Variants in CMKLR2 observed in about 807,000 individuals in gnomAD.
CMKLR2 encodes chemerin-like receptor 2.
CMKLR2 carries 18 observed loss-of-function variants against 23.0 expected under a neutral mutation model. The ratio of observed to expected loss-of-function variants is 0.78; its 90% CI spans 0.54 to 1.16. The LOEUF is 1.16. CMKLR2 is among the 50% of genes most tolerant of loss of function. The pLI, the probability that CMKLR2 is intolerant of heterozygous loss-of-function variation, is 0.00. For synonymous variants in CMKLR2, 158 were observed against 158.9 expected, an observed-to-expected ratio of 0.99 and a Z score of 0.05; for missense variants, 401 against 412.7, an observed-to-expected ratio of 0.97 and a Z score of 0.25.
chr2:206,185,987 G>C (rs1237508642), intron 1 of CMKLR2, among the ~76,000 whole-genome samples: 1 of 152,082 alleles, frequency 6.6e-6, no homozygotes, highest in East Asian at 1.9e-4. Flanking sequence ...TGGACCCCTG[G>C]GTGACCTCGT....
Position 206,181,120 on chromosome 2 carries a change from C to T in CMKLR2, c.-28-3845G>A, listed in dbSNP as rs192904195. Among the ~76,000 whole-genome samples, 19 of 151,558 alleles carry T rather than the reference C, an allele frequency of 1.3e-4. No homozygotes were observed. The East Asian group carries it at 2.9e-3, about 23-fold the overall frequency. On this transcript the variant is annotated intron_variant, in intron 1 of 1. Coordinates refer to ENST00000621141, the MANE Select transcript of CMKLR2 (RefSeq NM_001389445.1). ...ATGCCCAGGCTGGAGTGCAGTGGTG[C>T]GATCTCGGCTCACTGCAACCTCTGC...
At chr2:206,187,748 T>C (rs1688625968) in intron 1 of CMKLR2, among the ~76,000 whole-genome samples, 1 of 152,166 alleles carries the variant, frequency 6.6e-6, no homozygotes, top group African/African-American at 2.4e-5. Context: ...CACACATATA[T>C]ACATATGCAT....
In CMKLR2 at chr2:206,177,408, A is replaced by G. The variant is rs2105797785; in HGVS notation, c.-28-133T>C. ...ATAGTATTATTTTTTCTTTTTTTTG[A>G]GACAGGGTCTCACTCTGTTGCCCAA... On this transcript the variant is annotated intron_variant, in intron 1 of 1. Transcript: ENST00000621141. 4 of 568,544 alleles carry G rather than the reference A, an allele frequency of 7.0e-6. No homozygotes were observed. In the South Asian group the frequency reaches 1.0e-4, roughly 14 times the overall value. 35.2% of individuals were successfully genotyped at this position (568,544 alleles called of 1,614,324 possible).
chr2:206,200,378 G>A lies in CMKLR2; in HGVS notation c.-29+12929C>T, dbSNP rs1189904512. Reference sequence around the variant, plus strand: ...GCGGAGGATGCGGTGAGCCGAGATGGCGCCATTGCACTCCAGCCTGGGCAA... The same window carrying A: ...GCGGAGGATGCGGTGAGCCGAGATGACGCCATTGCACTCCAGCCTGGGCAA... On this transcript the variant is annotated intron_variant, in intron 1 of 1. Transcript: ENST00000621141. Among the ~76,000 whole-genome samples the A allele has an allele frequency of 2.0e-5, 3 of 152,162 alleles. No individual in the cohort carries two copies. The East Asian group carries it at 5.8e-4, about 29-fold the overall frequency.
chr2:206,197,669 C>T (rs1200210102), intron 1 of CMKLR2, among the ~76,000 whole-genome samples: 1 of 152,052 alleles, frequency 6.6e-6, no homozygotes, highest in Non-Finnish European at 1.5e-5. Context: ...TACTCTTCAG[C>T]TTCATTTAAA....
intron 1 of CMKLR2, among the ~76,000 whole-genome samples, chr2:206,210,267 T>C (rs1689507780): frequency 6.6e-6 from 1 of 152,124 alleles, no homozygotes. Flanking sequence ...TCTGTTCCTG[T>C]ATTAGTCTGC....
chr2:206,192,313 T>A (rs1002685946), intron 1 of CMKLR2, among the ~76,000 whole-genome samples: 1 of 149,816 alleles, frequency 6.7e-6, no homozygotes, highest in Non-Finnish European at 1.5e-5. Context: ...TTTATTTTTT[T>A]TTTATTTTTT....
chr2:206,200,537 T>G (rs969216761), intron 1 of CMKLR2, among the ~76,000 whole-genome samples: 1 of 152,256 alleles, frequency 6.6e-6, no homozygotes, highest in African/African-American at 2.4e-5. Context: ...CATCTCCAGG[T>G]ATTCAAATTC....
intron 1 of CMKLR2, among the ~76,000 whole-genome samples, chr2:206,191,153 G>A (rs563686134): frequency 6.6e-6 from 1 of 152,304 alleles, no homozygotes; most frequent in South Asian, 2.1e-4. Flanking sequence ...TCCTGTTTCT[G>A]GCTGTGGGAT....
At chr2:206,179,158 C>A (rs1252669343) in intron 1 of CMKLR2, among the ~76,000 whole-genome samples, 2 of 142,406 alleles carry the variant, frequency 1.4e-5, no homozygotes, top group African/African-American at 2.6e-5. Flanking sequence ...TCACCTCAAC[C>A]TCACCTCCCG....
intron 1 of CMKLR2, chr2:206,204,060 G>A (rs2105832664): frequency 6.6e-6 from 1 of 152,284 alleles, no homozygotes; most frequent in Admixed American, 6.5e-5. Context: ...CTCAATAAAT[G>A]TGCAATATCA....
intron 1 of CMKLR2, among the ~76,000 whole-genome samples, chr2:206,179,538 C>T (rs1235650037): frequency 6.7e-6 from 1 of 149,822 alleles, no homozygotes; most frequent in African/African-American, 2.5e-5. Flanking sequence ...ACCATGTTGG[C>T]CAGGATGGTC....
chr2:206,207,067 G>C (rs1278587514), intron 1 of CMKLR2, among the ~76,000 whole-genome samples: 1 of 151,790 alleles, frequency 6.6e-6, no homozygotes, highest in Non-Finnish European at 1.5e-5. Context: ...TCTAGGAAAA[G>C]ATGATGAGAT....
intron 1 of CMKLR2, among the ~76,000 whole-genome samples, chr2:206,211,771 A>G (rs1559101401): frequency 6.9e-6 from 1 of 144,668 alleles, no homozygotes; most frequent in Non-Finnish European, 1.5e-5. Context: ...CATTAAAAAA[A>G]GAAAAAGAAA....
At chr2:206,206,795 C>A (rs559977613) in intron 1 of CMKLR2, among the ~76,000 whole-genome samples, 16 of 152,128 alleles carry the variant, frequency 1.1e-4, no homozygotes, top group Non-Finnish European at 2.2e-4. Flanking sequence ...TAAAGGCATT[C>A]ACGTGCCCGG....
chr2:206,204,663 A>T (rs1689247157), intron 1 of CMKLR2, among the ~76,000 whole-genome samples: 2 of 152,020 alleles, frequency 1.3e-5, no homozygotes, highest in African/African-American at 4.8e-5. Flanking sequence ...GGTTCAAGCA[A>T]TTCCTCTGCC....
chr2:206,210,080 C>T (rs1178036478), intron 1 of CMKLR2, among the ~76,000 whole-genome samples: 3 of 151,860 alleles, frequency 2.0e-5, no homozygotes, highest in African/African-American at 7.3e-5. Flanking sequence ...TCTCGTGCCT[C>T]AGCCTCCCAA....
upstream of CMKLR2, among the ~76,000 whole-genome samples, chr2:206,214,165 A>ATTTTTTTTTTTGTTTT (rs1689670330): frequency 1.5e-5 from 1 of 64,928 alleles, no homozygotes; most frequent in Non-Finnish European, 2.7e-5. Flanking sequence ...TAAAGACTTG[A>ATTTTTTTTTTTGTTTT]TTTTTTTTTT....
intron 1 of CMKLR2, among the ~76,000 whole-genome samples, chr2:206,190,432 G>T (rs763492428): frequency 6.6e-6 from 1 of 152,164 alleles, no homozygotes; most frequent in Non-Finnish European, 1.5e-5. Context: ...GTTTGGAAAA[G>T]AATTTGAATG....
Sources: allele counts gnomAD v4.1 joint callset (sites outside exome capture counted in the v4.1 genomes callset), GRCh38; gene constraint gnomAD v4.1.1; transcripts MANE v1.5; gene names NCBI Gene and HGNC (gene_info 2026-07-23, HGNC 2026-07-21).